The following DNAH12 variants were observed in gnomAD, a reference collection of about 807,000 sequenced individuals.
The protein encoded by DNAH12 is dynein axonemal heavy chain 12.
In DNAH12, 285 loss-of-function variants were observed where a neutral mutation model predicts 371.5. That is an observed-to-expected ratio of 0.77 (90% CI 0.70 to 0.85). The LOEUF is 0.85. DNAH12 is among the 40% of genes least tolerant of loss of function. The pLI is 0.00. For synonymous variants in DNAH12, 1,200 were observed against 1,213.0 expected (o/e 0.99, Z 0.22); for missense variants, 3,611 against 3,689.4 (o/e 0.98, Z 0.55).
intron 2 of DNAH12, among the ~76,000 whole-genome samples, chr3:57,534,452 C>T (rs1375929761): frequency 6.6e-6 from 1 of 151,402 alleles, no homozygotes; most frequent in Non-Finnish European, 1.5e-5. Flanking sequence ...CTCTGTTCCC[C>T]CACCCCACCA....
chr3:57,421,872 C>T, intron 35 of DNAH12, 166 bp from the exon 36 acceptor site: 2 of 491,636 alleles, frequency 4.1e-6, no homozygotes, highest in Non-Finnish European at 7.0e-6. Context: ...AGTCATTTCT[C>T]TGACAATTTT....
chr3:57,360,268 C>T (rs1006184258), intron 58 of DNAH12, among the ~76,000 whole-genome samples: 2 of 152,084 alleles, frequency 1.3e-5, no homozygotes, highest in Admixed American at 6.6e-5. Flanking sequence ...TCCTTTGGCT[C>T]CCCCAAGATG....
intron 29 of DNAH12, 63 bp from the exon 30 acceptor site, chr3:57,437,123 T>C (rs1170798519): frequency 6.8e-6 from 7 of 1,030,600 alleles, no homozygotes; most frequent in African/African-American, 1.7e-5. Flanking sequence ...ACCTGTCTTA[T>C]AAGTGTAGAT....
intron 13 of DNAH12, among the ~76,000 whole-genome samples, chr3:57,480,600 C>G (rs1258190473): frequency 6.6e-6 from 1 of 151,066 alleles, no homozygotes; most frequent in African/African-American, 2.4e-5. Context: ...ATACCAAAGC[C>G]GGGAAGAGAC....
At chr3:57,511,887 T>C (rs1350363580) in intron 4 of DNAH12, among the ~76,000 whole-genome samples, 1 of 152,074 alleles carries the variant, frequency 6.6e-6, no homozygotes, top group African/African-American at 2.4e-5. Flanking sequence ...ATAAAATAAT[T>C]CATACCTTCC....
chr3:57,371,858 G>A (rs2063178335), intron 55 of DNAH12, among the ~76,000 whole-genome samples: 1 of 132,996 alleles, frequency 7.5e-6, no homozygotes, highest in Non-Finnish European at 1.6e-5. Flanking sequence ...GCAATGTAGT[G>A]ACATCTTGAA....
At chr3:57,362,366 C>T (rs1384848906) in intron 58 of DNAH12, among the ~76,000 whole-genome samples, 1 of 152,124 alleles carries the variant, frequency 6.6e-6, no homozygotes, top group Non-Finnish European at 1.5e-5. Flanking sequence ...ATTTATAATC[C>T]TTTGGGTATA....
chr3:57,501,274 T>C (rs1230323407), intron 11 of DNAH12, 47 bp downstream of exon 11: 4 of 1,415,426 alleles, frequency 2.8e-6, no homozygotes, highest in South Asian at 1.2e-5. Flanking sequence ...ATCCTAATGT[T>C]ACAAAAAAAT....
At chr3:57,445,019 G>A (rs1049356820) in intron 28 of DNAH12, among the ~76,000 whole-genome samples, 155 bp downstream of exon 28, 1 of 151,418 alleles carries the variant, frequency 6.6e-6, no homozygotes, top group Non-Finnish European at 1.5e-5. Context: ...TTCATATGAA[G>A]TATAACAACA....
chr3:57,389,725 G>C (rs1488460452), intron 45 of DNAH12, among the ~76,000 whole-genome samples: 10 of 150,216 alleles, frequency 6.7e-5, no homozygotes, highest in Non-Finnish European at 1.0e-4. Context: ...CTCATACATG[G>C]GCTCAGGCAT....
chr3:57,428,448 C>G, intron 34 of DNAH12, 185 bp downstream of exon 34: 2 of 1,529,442 alleles, frequency 1.3e-6, no homozygotes, highest in Non-Finnish European at 1.8e-6. Flanking sequence ...AATAGTTTAG[C>G]TGGAATAATT....
chr3:57,494,045 C>T (rs1169564961), intron 11 of DNAH12, among the ~76,000 whole-genome samples: 1 of 152,084 alleles, frequency 6.6e-6, no homozygotes, highest in Non-Finnish European at 1.5e-5. Context: ...CCAGCCTGAG[C>T]AATATAGTGA....
rs372664967 is a variant in DNAH12, at chr3:57,428,649, C to T, written c.5237G>A (p.Arg1746His). Residue 1746 changes from arginine to histidine, a missense_variant, in exon 34 of 74, where the codon CGT becomes CAT. Arg to His is a conservative substitution (Grantham distance 29). Transcript: ENST00000495027. ...TAGGATTACCTTGCATTTTTTCTTA[C>T]GCTGGTTTAAAGAGGGTGGTATTAA... ...AWLIPPSLNQ[R>H]KKKCKELIPT... The T allele has an allele frequency of 2.3e-4, 359 of 1,527,928 alleles. No individual in the cohort carries two copies. In the African/African-American group the frequency reaches 4.4e-3, roughly 19 times the overall value. 94.6% of individuals were successfully genotyped at this position (1,527,928 alleles called of 1,614,324 possible). A position where few individuals can be genotyped will look rare whatever the true frequency, so the allele number is the denominator to read the frequency against.
intron 13 of DNAH12, among the ~76,000 whole-genome samples, chr3:57,479,976 C>T (rs1409057303): frequency 2.0e-5 from 3 of 151,932 alleles, no homozygotes; most frequent in Non-Finnish European, 4.4e-5. Context: ...CAGGAAAGGT[C>T]CAAAATTGAC....
rs547362611 is a variant in DNAH12 at position 57,297,426 on chromosome 3, G to A, written c.11395-442C>T. ...GCTGGAGTGCAGTGGCATGATCTTA[G>A]CTCACTGCAGCCTCTGCCTCCTGGG... On this transcript the variant is annotated intron_variant, in intron 70 of 73. Coordinates refer to ENST00000495027, the MANE Select transcript of DNAH12 (RefSeq NM_001366028.2). 3.1e-5 allele frequency: 5 copies of A among 160,232 alleles called. No individual in the cohort carries two copies. The South Asian group carries it at 6.9e-4, about 22-fold the overall frequency. 9.9% of individuals were successfully genotyped at this position (160,232 alleles called of 1,614,324 possible).
At chr3:57,315,738 G>A (rs1403819405) in intron 65 of DNAH12, among the ~76,000 whole-genome samples, 1 of 152,120 alleles carries the variant, frequency 6.6e-6, no homozygotes, top group Non-Finnish European at 1.5e-5. Flanking sequence ...AAGAATTATG[G>A]AAGTTGTTGC....
At chr3:57,549,955 A>ATAT in the DNAH12 span, among the ~76,000 whole-genome samples, 1 of 151,810 alleles carries the variant, frequency 6.6e-6, no homozygotes, top group African/African-American at 2.4e-5. Context: ...CCAGAAAATC[A>ATAT]TGTTCAAATG....
the DNAH12 span, among the ~76,000 whole-genome samples, chr3:57,552,425 G>A: frequency 6.6e-6 from 1 of 152,036 alleles, no homozygotes; most frequent in African/African-American, 2.4e-5. Flanking sequence ...TTAAATTACT[G>A]AAAAAGTTTT....
At chr3:57,390,598 C>T (rs2063603356) in intron 45 of DNAH12, among the ~76,000 whole-genome samples, 1 of 149,184 alleles carries the variant, frequency 6.7e-6, no homozygotes, top group African/African-American at 2.5e-5. Context: ...TTTAATTATC[C>T]AGGGTCAATG....
Sources: allele counts gnomAD v4.1 joint callset (sites outside exome capture counted in the v4.1 genomes callset), GRCh38; gene constraint gnomAD v4.1.1; transcripts MANE v1.5; gene names NCBI Gene and HGNC (gene_info 2026-07-23, HGNC 2026-07-21).